MSRA: variants seen among roughly 807,000 people sequenced by gnomAD.
MSRA encodes methionine sulfoxide reductase A.
Under a neutral mutation model 31.3 loss-of-function variants are expected in MSRA, and 54 were observed. The ratio of observed to expected loss-of-function variants is 1.73; its 90% CI spans 1.39 to 2.17. The LOEUF (loss-of-function observed/expected upper bound fraction) is 2.17. MSRA is among the 30% of genes most tolerant of loss of function. The pLI, the probability that MSRA is intolerant of heterozygous loss-of-function variation, is 0.00. For synonymous variants in MSRA, 169 were observed against 116.5 expected (o/e 1.45, Z -2.90); for missense variants, 507 against 300.9 (o/e 1.69, Z -5.07).
Position 10,232,159 on chromosome 8 carries a change from C to A in MSRA, c.212-12945C>A, listed in dbSNP as rs1221818591. On this transcript the variant is annotated intron_variant, in intron 2 of 5. Coordinates refer to ENST00000317173, the MANE Select transcript of MSRA (RefSeq NM_012331.5). The stretch of plus-strand genomic sequence containing the variant: ...TACGTGGCTGTGTTCTGAGTGAAGT[C>A]TAAAAGCAGGGGAAAGAGCTGGAAG... 4.6e-5 allele frequency among the ~76,000 whole-genome samples: 7 copies of A among 152,218 alleles called. No individual in the cohort carries two copies. The East Asian group carries it at 1.4e-3, about 29-fold the overall frequency.
At chr8:10,171,571 G>C (rs1259419295) in intron 1 of MSRA, among the ~76,000 whole-genome samples, 1 of 152,128 alleles carries the variant, frequency 6.6e-6, no homozygotes, top group East Asian at 1.9e-4. Flanking sequence ...TAATTTGTCA[G>C]CATTGCCCTT....
At chr8:10,163,165 G>A (rs1257855921) in intron 1 of MSRA, among the ~76,000 whole-genome samples, 4 of 152,118 alleles carry the variant, frequency 2.6e-5, no homozygotes, top group African/African-American at 7.2e-5. Flanking sequence ...GACCATGCTG[G>A]CACCTTGATC....
intron 5 of MSRA, among the ~76,000 whole-genome samples, chr8:10,340,002 C>G (rs970477351): frequency 6.6e-6 from 1 of 152,166 alleles, no homozygotes; most frequent in East Asian, 1.9e-4. Flanking sequence ...GCCCTAGCTG[C>G]CTTGTGTGTG....
intron 5 of MSRA, among the ~76,000 whole-genome samples, chr8:10,419,064 C>G (rs890164897): frequency 6.6e-6 from 1 of 152,170 alleles, no homozygotes; most frequent in East Asian, 1.9e-4. Context: ...GGTGCACATG[C>G]AGGCCCCTCC....
intron 3 of MSRA, among the ~76,000 whole-genome samples, chr8:10,260,701 G>C (rs1798434635): frequency 6.6e-6 from 1 of 152,046 alleles, no homozygotes; most frequent in Non-Finnish European, 1.5e-5. Context: ...TTGGTGGGGG[G>C]GAATAAAAAG....
intron 3 of MSRA, among the ~76,000 whole-genome samples, chr8:10,293,094 A>G (rs1426385995): frequency 6.6e-6 from 1 of 152,122 alleles, no homozygotes; most frequent in Non-Finnish European, 1.5e-5. Flanking sequence ...AAATGGACAT[A>G]GGAGCATTTA....
At chr8:10,417,300 C>A (rs1808518458) in intron 5 of MSRA, among the ~76,000 whole-genome samples, 1 of 152,100 alleles carries the variant, frequency 6.6e-6, no homozygotes, top group East Asian at 1.9e-4. Context: ...GTCCTCCTTG[C>A]ATGTGCCAGC....
At chr8:10,163,668 G>A (rs1458636654) in intron 1 of MSRA, among the ~76,000 whole-genome samples, 1 of 152,234 alleles carries the variant, frequency 6.6e-6, no homozygotes, top group African/African-American at 2.4e-5. Context: ...TCTACTGCAC[G>A]ATAATGACAG....
intron 1 of MSRA, among the ~76,000 whole-genome samples, chr8:10,126,956 C>G (rs892226270): frequency 1.3e-5 from 2 of 151,802 alleles, no homozygotes; most frequent in East Asian, 1.9e-4. Flanking sequence ...TCACCTGCCA[C>G]TCACCTCCTG....
At chr8:10,148,781 GAA>G (rs1305542219) in intron 1 of MSRA, among the ~76,000 whole-genome samples, 2 of 141,772 alleles carry the variant, frequency 1.4e-5, no homozygotes, top group Non-Finnish European at 3.0e-5. Context: ...TATCCTGGGT[GAA>G]AGAGTGAGAC....
chr8:10,426,114 G>A (rs1809145051), intron 5 of MSRA, among the ~76,000 whole-genome samples: 4 of 152,144 alleles, frequency 2.6e-5, no homozygotes, highest in Admixed American at 1.3e-4. Context: ...CAAGTCACAC[G>A]GCCAGCACAT....
intron 1 of MSRA, among the ~76,000 whole-genome samples, chr8:10,184,109 TTGG>T (rs545885141): frequency 1.3e-3 from 191 of 151,554 alleles, no homozygotes; most frequent in African/African-American, 4.6e-3. Flanking sequence ...GTTGATGGTC[TTGG>T]TGGTGGTGCT....
intron 1 of MSRA, among the ~76,000 whole-genome samples, chr8:10,058,362 C>T (rs1563381838): frequency 6.6e-6 from 1 of 152,120 alleles, no homozygotes; most frequent in East Asian, 1.9e-4. Context: ...ATCATAAAAA[C>T]AGATAATTTG....
At chr8:10,294,785 C>G (rs1236880563) in intron 3 of MSRA, among the ~76,000 whole-genome samples, 3 of 152,042 alleles carry the variant, frequency 2.0e-5, no homozygotes, top group Non-Finnish European at 4.4e-5. Flanking sequence ...TTCTGAGGAA[C>G]CAGTTGTTTG....
intron 2 of MSRA, among the ~76,000 whole-genome samples, chr8:10,242,437 G>C (rs564577518): frequency 6.6e-6 from 1 of 152,272 alleles, no homozygotes; most frequent in East Asian, 1.9e-4. Context: ...GTTGGGATTG[G>C]AGTGTAGCAC....
At chr8:10,091,455 G>GT (rs1296909771) in intron 1 of MSRA, among the ~76,000 whole-genome samples, 1 of 151,970 alleles carries the variant, frequency 6.6e-6, no homozygotes, top group Non-Finnish European at 1.5e-5. Context: ...TATTTTCCTC[G>GT]TTTATCTGTT....
At chr8:10,080,192 C>G (rs998491122) in intron 1 of MSRA, among the ~76,000 whole-genome samples, 1 of 152,178 alleles carries the variant, frequency 6.6e-6, no homozygotes, top group Non-Finnish European at 1.5e-5. Context: ...ACGACATTCT[C>G]TTTCTCAGTC....
intron 2 of MSRA, among the ~76,000 whole-genome samples, chr8:10,235,059 G>T (rs1398285098): frequency 2.6e-5 from 4 of 152,108 alleles, no homozygotes; most frequent in African/African-American, 9.7e-5. Context: ...ATAACAAATT[G>T]ATAAGCTTGT....
At chr8:10,271,813 G>A (rs1424240218) in intron 3 of MSRA, among the ~76,000 whole-genome samples, 2 of 151,714 alleles carry the variant, frequency 1.3e-5, no homozygotes, top group African/African-American at 4.8e-5. Context: ...CGGCCTCCTG[G>A]GTTCAAGTGA....
Sources: gnomAD v4.1 joint callset for allele counts (sites outside exome capture counted in the v4.1 genomes callset) on GRCh38, gnomAD v4.1.1 for gene constraint, MANE v1.5 for transcripts, NCBI Gene and HGNC (gene_info 2026-07-23, HGNC 2026-07-21) for gene names.